The following WWP1 variants were observed in gnomAD, a reference collection of about 807,000 sequenced individuals.
WWP1 encodes the protein WW domain containing E3 ubiquitin protein ligase 1, also known as NEDD4-like E3 ubiquitin-protein ligase WWP1.
A neutral mutation model predicts 130.6 loss-of-function variants in WWP1; 49 were observed. The observed-to-expected ratio is 0.38, with a 90% CI of 0.30 to 0.48. The LOEUF (loss-of-function observed/expected upper bound fraction) is 0.48. Among genes scored for constraint, WWP1 ranks in the 20% least tolerant of loss-of-function variants. The pLI, the probability that WWP1 is intolerant of heterozygous loss-of-function variation, is 0.99. For synonymous variants in WWP1, 332 were observed against 367.8 expected (o/e 0.90, Z 1.11); for missense variants, 809 against 1,100.6 (o/e 0.74, Z 3.75).
At chr8:86,348,250 C>G (rs1189805183) in intron 1 of WWP1, among the ~76,000 whole-genome samples, 1 of 151,808 alleles carries the variant, frequency 6.6e-6, no homozygotes, top group Non-Finnish European at 1.5e-5. Flanking sequence ...CGGAGTTTCC[C>G]TCTTGCTGCC....
intron 8 of WWP1, among the ~76,000 whole-genome samples, chr8:86,410,661 T>A (rs1441200044): frequency 3.3e-5 from 5 of 150,636 alleles, no homozygotes; most frequent in Non-Finnish European, 7.4e-5. Context: ...AATTCTGATC[T>A]TTTTTTTGGG....
rs1397653146 is a variant in WWP1, at chr8:86,342,577, G to C, written c.-468G>C. 6.6e-6 allele frequency among the ~76,000 whole-genome samples: 1 copy of C among 151,068 alleles called. No homozygotes were observed. Among genetic ancestry groups the C allele is most frequent in the Non-Finnish European group, 1.5e-5 (1 of 67,700 alleles). On this transcript the variant is annotated 5_prime_UTR_variant, in exon 1 of 25. Transcript: ENST00000517970. Reference sequence around the variant, plus strand: ...GGGTCCGGAGTTGGAGGCTTTGGGCGGCCGCGGCGTAGCGCGCGGTGCCGG... The same window carrying C: ...GGGTCCGGAGTTGGAGGCTTTGGGCCGCCGCGGCGTAGCGCGCGGTGCCGG...
intron 5 of WWP1, among the ~76,000 whole-genome samples, chr8:86,384,460 T>C (rs2130384857): frequency 1.3e-5 from 2 of 152,300 alleles, no homozygotes; most frequent in Middle Eastern, 6.8e-3. Flanking sequence ...ATACACGTAA[T>C]TTCCGGGTTG....
At chr8:86,384,127 C>A (rs1350691791) in intron 5 of WWP1, among the ~76,000 whole-genome samples, 1 of 152,118 alleles carries the variant, frequency 6.6e-6, no homozygotes, top group East Asian at 1.9e-4. Context: ...TATCAGGACA[C>A]CAGTCATTGG....
chr8:86,430,544 T>C (rs1003051484), intron 11 of WWP1, among the ~76,000 whole-genome samples, 153 bp from the exon 12 acceptor site: 3 of 152,052 alleles, frequency 2.0e-5, no homozygotes, highest in South Asian at 2.1e-4. Flanking sequence ...CCCAAGGTGC[T>C]GAGATTACAG....
intron 5 of WWP1, among the ~76,000 whole-genome samples, chr8:86,389,761 C>T (rs551290807): frequency 1.1e-4 from 16 of 146,846 alleles, no homozygotes; most frequent in Middle Eastern, 4.4e-3. Flanking sequence ...ACCCACCTCC[C>T]GGATGGGGCG....
At chr8:86,449,692 T>G (rs959091911) in intron 20 of WWP1, among the ~76,000 whole-genome samples, 1 of 152,240 alleles carries the variant, frequency 6.6e-6, no homozygotes, top group African/African-American at 2.4e-5. Flanking sequence ...TGCCTCCTAC[T>G]GATGTCTTCT....
At chr8:86,453,906 G>C (rs762734719) in intron 21 of WWP1, among the ~76,000 whole-genome samples, 2 of 151,990 alleles carry the variant, frequency 1.3e-5, no homozygotes, top group Non-Finnish European at 2.9e-5. Context: ...GCCTGCTTTG[G>C]GTGTGCTATT....
intron 1 of WWP1, among the ~76,000 whole-genome samples, chr8:86,360,046 C>T (rs1377147967): frequency 6.8e-6 from 1 of 146,220 alleles, no homozygotes; most frequent in African/African-American, 2.5e-5. Context: ...GAGACTCCCT[C>T]TCAAAAACAA....
Position 86,467,090 on chromosome 8 carries a change from TG to T in WWP1, c.*198del. The T allele has an allele frequency of 4.4e-6, 2 of 454,888 alleles. No individual in the cohort carries two copies. The highest frequency in any genetic ancestry group is 7.7e-6 in the Non-Finnish European group (2 of 260,140). 28.2% of individuals were successfully genotyped at this position (454,888 alleles called of 1,614,324 possible). A position where few individuals can be genotyped will look rare whatever the true frequency, so the allele number is the denominator to read the frequency against. On this transcript the variant is annotated 3_prime_UTR_variant, in exon 25 of 25. Coordinates refer to ENST00000517970, the MANE Select transcript of WWP1 (RefSeq NM_007013.4). ...TTATTTATTGTTCCCTTGAAATGAC[TG>T]ACCAGGAAAAAGATCATCCTTAAAT...
intron 5 of WWP1, among the ~76,000 whole-genome samples, chr8:86,390,158 C>A (rs1807210161): frequency 6.6e-6 from 1 of 151,890 alleles, no homozygotes; most frequent in Non-Finnish European, 1.5e-5. Context: ...AGACACGCTC[C>A]TCACTTCCTA....
chr8:86,406,786 T>C (rs578063102), intron 8 of WWP1, among the ~76,000 whole-genome samples: 10 of 152,334 alleles, frequency 6.6e-5, no homozygotes, highest in African/African-American at 2.2e-4. Context: ...TCTTTAAAGC[T>C]ACATCCACTC....
At chr8:86,409,177 T>C (rs905282752) in intron 8 of WWP1, among the ~76,000 whole-genome samples, 1 of 151,620 alleles carries the variant, frequency 6.6e-6, no homozygotes, top group African/African-American at 2.4e-5. Context: ...GTAATTGTGA[T>C]CTTCCTTGTT....
intron 21 of WWP1, among the ~76,000 whole-genome samples, chr8:86,454,674 A>G (rs949448374): frequency 2.6e-5 from 4 of 152,140 alleles, no homozygotes; most frequent in African/African-American, 9.7e-5. Context: ...GAGGGATGTT[A>G]TAGTGGGAGC....
intron 10 of WWP1, among the ~76,000 whole-genome samples, chr8:86,426,881 G>A (rs920572843): frequency 1.3e-5 from 2 of 152,272 alleles, no homozygotes; most frequent in African/African-American, 4.8e-5. Flanking sequence ...AGGAGAGGCC[G>A]GGCATGGTGG....
intron 3 of WWP1, 132 bp from the exon 4 acceptor site, chr8:86,380,594 A>T: frequency 9.8e-7 from 1 of 1,025,372 alleles, no homozygotes; most frequent in Non-Finnish European, 1.3e-6. Context: ...GCCCTTTTGT[A>T]TTGTTTCTTC....
intron 20 of WWP1, among the ~76,000 whole-genome samples, chr8:86,451,376 G>A (rs1811171451): frequency 6.6e-6 from 1 of 152,024 alleles, no homozygotes; most frequent in Non-Finnish European, 1.5e-5. Context: ...CGCCTACAGT[G>A]ATAGCTAGGT....
At chr8:86,396,879 G>A (rs376462170) in intron 5 of WWP1, among the ~76,000 whole-genome samples, 2 of 152,116 alleles carry the variant, frequency 1.3e-5, no homozygotes, top group Non-Finnish European at 2.9e-5. Flanking sequence ...GATTAGAGGC[G>A]TGAGCCACCG....
At chr8:86,360,068 C>CAAAAAACA (rs752317802) in intron 1 of WWP1, among the ~76,000 whole-genome samples, 1 of 131,422 alleles carries the variant, frequency 7.6e-6, no homozygotes, top group African/African-American at 2.7e-5. Flanking sequence ...AAACAAAAAA[C>CAAAAAACA]AAAAAAAAAA....
Sources: allele counts gnomAD v4.1 joint callset (sites outside exome capture counted in the v4.1 genomes callset), GRCh38; gene constraint gnomAD v4.1.1; transcripts MANE v1.5; gene names NCBI Gene and HGNC (gene_info 2026-07-23, HGNC 2026-07-21).